The following SPATA16 variants were observed in gnomAD, a reference collection of about 807,000 sequenced individuals.
SPATA16 encodes the protein spermatogenesis associated 16, also known as spermatogenesis-associated protein 16.
SPATA16 carries 36 observed loss-of-function variants against 63.3 expected under a neutral mutation model. The ratio of observed to expected loss-of-function variants is 0.57; its 90% CI spans 0.44 to 0.75. The LOEUF (loss-of-function observed/expected upper bound fraction) is 0.75, where lower values mean the gene tolerates loss of function less well. SPATA16 is among the 30% of genes least tolerant of loss of function. SPATA16 has a pLI of 0.00. For missense variants in SPATA16, 646 were observed against 679.3 expected, an observed-to-expected ratio of 0.95 and a Z score of 0.54; for synonymous variants, 203 against 216.7, an observed-to-expected ratio of 0.94 and a Z score of 0.56.
At position 172,985,478 on chromosome 3, in the gene SPATA16, A is replaced by G. The variant is rs947025228; in HGVS notation, c.849-8426T>C. The stretch of plus-strand genomic sequence containing the variant: ...CTATGAGCTTCCAATTGGGCTATCA[A>G]TATGACATCCATATTTAGCATATTT... On this transcript the variant is annotated intron_variant, in intron 4 of 10. Coordinates refer to ENST00000351008, the MANE Select transcript of SPATA16 (RefSeq NM_031955.6). Among the ~76,000 whole-genome samples, 3 of 152,242 alleles carry G rather than the reference A, an allele frequency of 2.0e-5. No individual in the cohort carries two copies. In the East Asian group the frequency reaches 5.8e-4, roughly 29 times the overall value.
intron 2 of SPATA16, among the ~76,000 whole-genome samples, chr3:173,079,440 A>T (rs1294247366): frequency 2.0e-5 from 3 of 152,080 alleles, no homozygotes; most frequent in Non-Finnish European, 4.4e-5. Flanking sequence ...TTATTGCTAA[A>T]ATAACATTTT....
Position 172,979,081 on chromosome 3 carries a change from C to A in SPATA16, c.849-2029G>T, listed in dbSNP as rs377050021. Reference sequence around the variant, plus strand: ...TGAAACCCCATCTCTACTAAAAATACAAAAAATTAGCCACGTGTGGCGGCG... The same window carrying A: ...TGAAACCCCATCTCTACTAAAAATAAAAAAAATTAGCCACGTGTGGCGGCG... On this transcript the variant is annotated intron_variant, in intron 4 of 10. Coordinates refer to ENST00000351008, the MANE Select transcript of SPATA16 (RefSeq NM_031955.6). 4.6e-5 allele frequency among the ~76,000 whole-genome samples: 7 copies of A among 152,112 alleles called. No individual in the cohort carries two copies. In the East Asian group the frequency reaches 5.8e-4, roughly 13 times the overall value.
At chr3:173,048,262 C>T (rs1736001308) in intron 3 of SPATA16, among the ~76,000 whole-genome samples, 1 of 151,960 alleles carries the variant, frequency 6.6e-6, no homozygotes, top group East Asian at 1.9e-4. Flanking sequence ...TGTTGAAAGG[C>T]ATAATATAAT....
At chr3:173,068,816 T>A (rs1312265916) in intron 2 of SPATA16, among the ~76,000 whole-genome samples, 10 of 142,774 alleles carry the variant, frequency 7.0e-5, no homozygotes, top group Admixed American at 1.4e-4. Context: ...CCCAAATTAG[T>A]AAAAAAAAAA....
At chr3:172,918,443 CAG>C (rs1435469429) in intron 8 of SPATA16, among the ~76,000 whole-genome samples, 1 of 152,060 alleles carries the variant, frequency 6.6e-6, no homozygotes, top group Non-Finnish European at 1.5e-5. Context: ...AATAAGATAA[CAG>C]GGAAAGAATA....
chr3:172,981,948 A>G (rs1249780628), intron 4 of SPATA16, among the ~76,000 whole-genome samples: 3 of 152,130 alleles, frequency 2.0e-5, no homozygotes, highest in Non-Finnish European at 2.9e-5. Context: ...AAGAAATCCT[A>G]TGTTTCACAA....
intron 3 of SPATA16, among the ~76,000 whole-genome samples, chr3:173,023,935 A>G (rs1735395091): frequency 6.6e-6 from 1 of 150,586 alleles, no homozygotes; most frequent in African/African-American, 2.4e-5. Flanking sequence ...AAATATATAT[A>G]AATATATTAC....
chr3:173,093,824 A>G (rs1737285442), intron 2 of SPATA16, among the ~76,000 whole-genome samples: 1 of 152,170 alleles, frequency 6.6e-6, no homozygotes, highest in African/African-American at 2.4e-5. Context: ...AGTAATAAAA[A>G]GACTATTTCT....
At chr3:173,124,458 A>C (rs968950370) in intron 1 of SPATA16, among the ~76,000 whole-genome samples, 1 of 152,178 alleles carries the variant, frequency 6.6e-6, no homozygotes, top group Non-Finnish European at 1.5e-5. Flanking sequence ...GCTCTTTCCA[A>C]GGTTAATTCC....
intron 3 of SPATA16, among the ~76,000 whole-genome samples, chr3:173,048,246 A>G (rs1233639078): frequency 1.3e-5 from 2 of 152,090 alleles, no homozygotes; most frequent in Non-Finnish European, 2.9e-5. Context: ...TTTCAAGGAA[A>G]GCGTTTGTTG....
intron 2 of SPATA16, among the ~76,000 whole-genome samples, chr3:173,072,716 T>C (rs901273365): frequency 1.3e-5 from 2 of 152,208 alleles, no homozygotes; most frequent in African/African-American, 4.8e-5. Flanking sequence ...GTCTCAGGCA[T>C]GTATTTATCA....
chr3:172,958,309 A>G (rs1395623196), intron 5 of SPATA16, among the ~76,000 whole-genome samples: 1 of 152,146 alleles, frequency 6.6e-6, no homozygotes, highest in African/African-American at 2.4e-5. Context: ...AGAGTTGTGG[A>G]TTAGGAACTC....
intron 9 of SPATA16, among the ~76,000 whole-genome samples, chr3:172,915,944 T>C (rs1347499755): frequency 6.6e-6 from 1 of 152,236 alleles, no homozygotes; most frequent in Admixed American, 6.5e-5. Context: ...CAGCAATTAC[T>C]CTTTTGTCCT....
At chr3:173,122,570 G>GA (rs1266694844) in intron 1 of SPATA16, among the ~76,000 whole-genome samples, 1 of 151,572 alleles carries the variant, frequency 6.6e-6, no homozygotes, top group African/African-American at 2.4e-5. Context: ...GACATTATGA[G>GA]AAAAAAACAC....
intron 3 of SPATA16, among the ~76,000 whole-genome samples, chr3:173,031,877 T>C (rs931194717): frequency 3.3e-5 from 5 of 152,076 alleles, no homozygotes; most frequent in African/African-American, 1.2e-4. Context: ...ATAACCCAAT[T>C]TAATTTACAT....
chr3:172,939,486 T>G (rs1429956112), intron 6 of SPATA16, among the ~76,000 whole-genome samples: 4 of 152,158 alleles, frequency 2.6e-5, no homozygotes, highest in Non-Finnish European at 5.9e-5. Flanking sequence ...GACCCCTGGC[T>G]GCAAACCCAA....
chr3:172,973,932 T>A (rs1734099128), intron 5 of SPATA16, among the ~76,000 whole-genome samples: 1 of 152,200 alleles, frequency 6.6e-6, no homozygotes, highest in African/African-American at 2.4e-5. Flanking sequence ...GACAAGTTAT[T>A]TTCAACCCTC....
chr3:173,019,534 C>T lies in SPATA16; in HGVS notation c.800G>A (p.Arg267His), dbSNP rs201022124. The change falls in exon 4 of 11, where the codon CGT (arginine) becomes CAT (histidine). Residue 267 changes from arginine (R) to histidine (H), a missense_variant. Physicochemically the swap from Arg to His is conservative, Grantham distance 29. Transcript: ENST00000351008. The stretch of plus-strand genomic sequence containing the variant: ...CAGACATCTAAACACTGTTGCTTGA[C>T]GAAGATGATTCCGGAAATAGGCTGG... ...LNPAYFRNHL[R>H]QATVFRCLER... is the part of the protein sequence containing the mutation. 1.3e-4 allele frequency: 211 copies of T among 1,614,026 alleles called. No homozygotes were observed. Among genetic ancestry groups the T allele is most frequent in the Admixed American group, 2.0e-4 (12 of 60,022 alleles).
chr3:172,924,430 T>C (rs1181002053), intron 7 of SPATA16, 113 bp from the exon 8 acceptor site: 1 of 831,656 alleles, frequency 1.2e-6, no homozygotes, highest in Non-Finnish European at 1.9e-6. Context: ...ACAAAATCTT[T>C]AGTATAGAAA....
Sources: allele counts gnomAD v4.1 joint callset (sites outside exome capture counted in the v4.1 genomes callset), GRCh38; gene constraint gnomAD v4.1.1; transcripts MANE v1.5; gene names NCBI Gene and HGNC (gene_info 2026-07-23, HGNC 2026-07-21).